ZNF346: variants seen among roughly 807,000 people sequenced by gnomAD.
ZNF346 encodes the protein zinc finger protein 346.
ZNF346 carries 23 observed loss-of-function variants against 33.7 expected under a neutral mutation model. That is an observed-to-expected ratio of 0.68 (90% CI 0.49 to 0.97). The LOEUF is 0.97. Among genes scored for constraint, ZNF346 ranks in the 50% least tolerant of loss-of-function variants. The probability of loss-of-function intolerance (pLI) is 0.00; values close to 1 mark genes in which losing one functional copy is unlikely to be tolerated. For missense variants in ZNF346, 340 were observed against 371.1 expected, an observed-to-expected ratio of 0.92 and a Z score of 0.69; for synonymous variants, 134 against 142.4, an observed-to-expected ratio of 0.94 and a Z score of 0.42.
chr5:177,046,056 T>G (rs113879389), intron 4 of ZNF346, among the ~76,000 whole-genome samples: 1 of 152,010 alleles, frequency 6.6e-6, no homozygotes, highest in South Asian at 2.1e-4. Context: ...TCCCAGCACT[T>G]TGGGAGGCTG....
At chr5:177,023,060 G>C in intron 1 of ZNF346, 147 bp downstream of exon 1, 1 of 1,441,060 alleles carries the variant, frequency 6.9e-7, no homozygotes, top group Non-Finnish European at 9.4e-7. Context: ...CCATCCGGGC[G>C]CGGGCACCCC....
chr5:177,033,320 C>T (rs541312190), intron 1 of ZNF346, among the ~76,000 whole-genome samples: 2 of 152,278 alleles, frequency 1.3e-5, no homozygotes, highest in South Asian at 2.1e-4. Context: ...ATCAAGCAAT[C>T]CTCTAGCCTC....
chr5:177,027,433 A>C (rs1182731888), intron 1 of ZNF346, among the ~76,000 whole-genome samples: 1 of 151,842 alleles, frequency 6.6e-6, no homozygotes, highest in African/African-American at 2.4e-5. Context: ...TAAAAATACA[A>C]ACATTAGCCA....
downstream of ZNF346, among the ~76,000 whole-genome samples, chr5:177,068,982 C>G (rs1783367957): frequency 7.0e-6 from 1 of 143,216 alleles, no homozygotes; most frequent in South Asian, 2.2e-4. Context: ...TTGCCAGGTC[C>G]CTAAAACATT....
At chr5:177,076,992 G>T (rs1435088388) in intron 8 of ZNF346, among the ~76,000 whole-genome samples, 1 of 152,196 alleles carries the variant, frequency 6.6e-6, no homozygotes, top group Non-Finnish European at 1.5e-5. Context: ...AGTGAGCCGA[G>T]ATCACGCCAC....
chr5:177,050,694 T>C, intron 4 of ZNF346, 57 bp from the exon 5 acceptor site: 1 of 1,602,408 alleles, frequency 6.2e-7, no homozygotes, highest in Non-Finnish European at 8.6e-7. Context: ...TTGAACTCTC[T>C]CACTGCAGCT....
At chr5:177,031,880 G>A (rs77448653) in intron 1 of ZNF346, among the ~76,000 whole-genome samples, 6 of 151,636 alleles carry the variant, frequency 4.0e-5, no homozygotes, top group African/African-American at 1.2e-4. Flanking sequence ...TTGCTGTTGA[G>A]CTCCTCCAGC....
chr5:177,053,958 G>A (rs1034054565), intron 5 of ZNF346, among the ~76,000 whole-genome samples: 3 of 152,096 alleles, frequency 2.0e-5, no homozygotes, highest in African/African-American at 7.2e-5. Flanking sequence ...TATACAGTGT[G>A]GTGAACAAAG....
At chr5:177,058,204 G>C (rs1456258644) in intron 5 of ZNF346, among the ~76,000 whole-genome samples, 1 of 151,764 alleles carries the variant, frequency 6.6e-6, no homozygotes, top group African/African-American at 2.4e-5. Context: ...GCTGGGCGCG[G>C]TGGCTCACGC....
chr5:177,059,479 G>T (rs1378115963), intron 5 of ZNF346, among the ~76,000 whole-genome samples: 1 of 152,212 alleles, frequency 6.6e-6, no homozygotes, highest in Non-Finnish European at 1.5e-5. Flanking sequence ...ATAAGCCTTA[G>T]AGTGGTTTTA....
chr5:177,062,025 G>A (rs1782612617), intron 5 of ZNF346, 33 bp from the exon 6 acceptor site: 6 of 1,583,164 alleles, frequency 3.8e-6, no homozygotes, highest in Non-Finnish European at 2.6e-6. Context: ...CTTCTTTCTG[G>A]ATTACTAAGA....
At chr5:177,045,198 G>C (rs1315511032) in intron 4 of ZNF346, among the ~76,000 whole-genome samples, 1 of 152,140 alleles carries the variant, frequency 6.6e-6, no homozygotes, top group African/African-American at 2.4e-5. Context: ...AGTCAAGAGT[G>C]AAAGTTCTTT....
intron 8 of ZNF346, among the ~76,000 whole-genome samples, chr5:177,078,057 A>G (rs10060171): frequency 0.13 from 19,442 of 151,740 alleles, 2,900 homozygotes; most frequent in African/African-American, 0.36. Flanking sequence ...TGAGGCAGGA[A>G]AATTGCTTGA....
intron 1 of ZNF346, among the ~76,000 whole-genome samples, chr5:177,029,305 C>A (rs1206985905): frequency 6.6e-6 from 1 of 152,178 alleles, no homozygotes; most frequent in South Asian, 2.1e-4. Context: ...AGAACACATT[C>A]ATGTGCTGGA....
chr5:177,059,788 T>C (rs540583934), intron 5 of ZNF346, among the ~76,000 whole-genome samples: 9 of 152,244 alleles, frequency 5.9e-5, no homozygotes, highest in Non-Finnish European at 1.2e-4. Context: ...TTACCTAATA[T>C]GTGCCAGGCA....
chr5:177,029,584 G>A (rs1403367410), intron 1 of ZNF346, among the ~76,000 whole-genome samples: 1 of 152,172 alleles, frequency 6.6e-6, no homozygotes, highest in African/African-American at 2.4e-5. Flanking sequence ...AACTCTTAGA[G>A]CAAGAGTGAA....
intron 1 of ZNF346, among the ~76,000 whole-genome samples, chr5:177,024,953 A>G (rs541296323): frequency 2.0e-5 from 3 of 152,250 alleles, no homozygotes; most frequent in South Asian, 4.2e-4. Flanking sequence ...TACTCTTAGC[A>G]CCTTCATGTG....
rs1265518619 is a variant in ZNF346, at chr5:177,024,155, T to TACACACACACACACACACAC, written c.175+1243_175+1244insCACACACACACACACACACA. On this transcript the variant is annotated intron_variant, in intron 1 of 6. Transcript: ENST00000358149. ...TATATACACTTGTAAGTATTTTATG[T>TACACACACACACACACACAC]ATACACACACACACACACACACACT... 2.4e-3 allele frequency among the ~76,000 whole-genome samples: 40 copies of TACACACACACACACACACAC among 16,604 alleles called. No homozygotes were observed. In the South Asian group the frequency reaches 0.084, roughly 35 times the overall value. 10.9% of individuals were successfully genotyped at this position (16,604 alleles called of 152,430 possible).
In ZNF346 at chr5:177,064,635, C is replaced by T. The variant is rs1355559219; in HGVS notation, c.*36C>T. On this transcript the variant is annotated 3_prime_UTR_variant, in exon 7 of 7. Transcript: ENST00000358149. The stretch of plus-strand genomic sequence containing the variant: ...GCCCAGCATCCCATATTGGGCCAGC[C>T]ATGAGCCAGCTTCCCGTGACTGCTC... 6.5e-7 allele frequency: 1 copy of T among 1,546,018 alleles called. No individual in the cohort carries two copies. Among genetic ancestry groups the T allele is most frequent in the East Asian group, 2.2e-5 (1 of 44,580 alleles).
Sources: gnomAD v4.1 joint callset for allele counts (sites outside exome capture counted in the v4.1 genomes callset) on GRCh38, gnomAD v4.1.1 for gene constraint, MANE v1.5 for transcripts, NCBI Gene and HGNC (gene_info 2026-07-23, HGNC 2026-07-21) for gene names.